Variants in SDK1 observed in about 807,000 individuals in gnomAD.
SDK1 encodes protein sidekick-1.
In SDK1, 157 loss-of-function variants were observed where a neutral mutation model predicts 245.5. The observed-to-expected ratio is 0.64, with a 90% CI of 0.56 to 0.73. The LOEUF (loss-of-function observed/expected upper bound fraction) is 0.73. Among genes scored for constraint, SDK1 ranks in the 30% least tolerant of loss-of-function variants. The probability of loss-of-function intolerance (pLI) is 0.00; values close to 1 mark genes in which losing one functional copy is unlikely to be tolerated. For missense variants in SDK1, 3,583 were observed against 3,002.3 expected (o/e 1.19, Z -4.52); for synonymous variants, 1,647 against 1,278.5 (o/e 1.29, Z -6.15).
chr7:3,870,785 T>C (rs902338831), intron 5 of SDK1, among the ~76,000 whole-genome samples: 9 of 152,172 alleles, frequency 5.9e-5, no homozygotes, highest in African/African-American at 2.2e-4. Context: ...ATTTTTCCAC[T>C]AATGTTTTTT....
chr7:3,614,739 C>T lies in SDK1; in HGVS notation c.299-4341C>T, dbSNP rs200513637. 3.9e-5 allele frequency among the ~76,000 whole-genome samples: 6 copies of T among 152,278 alleles called. No individual in the cohort carries two copies. In the East Asian group the frequency reaches 1.2e-3, roughly 29 times the overall value. ...ATTCCCCACCTTGGCTAATCTATGTCAAAATACGTGTCGTTATGATTTTAA... is the reference window on the plus strand; with the variant it reads ...ATTCCCCACCTTGGCTAATCTATGTTAAAATACGTGTCGTTATGATTTTAA... On this transcript the variant is annotated intron_variant, in intron 1 of 44. Coordinates refer to ENST00000404826, the MANE Select transcript of SDK1 (RefSeq NM_152744.4).
chr7:3,607,451 A>T (rs1781458661), intron 1 of SDK1, among the ~76,000 whole-genome samples: 1 of 152,242 alleles, frequency 6.6e-6, no homozygotes, highest in Admixed American at 6.5e-5. Flanking sequence ...CTAGAAGATA[A>T]GCTCCATGAA....
intron 4 of SDK1, among the ~76,000 whole-genome samples, chr7:3,692,843 T>C (rs1784472191): frequency 6.6e-6 from 1 of 152,094 alleles, no homozygotes; most frequent in African/African-American, 2.4e-5. Context: ...AGTTTACGTA[T>C]CCTTGGCACC....
chr7:3,629,415 C>G (rs1427595135), intron 2 of SDK1, among the ~76,000 whole-genome samples: 1 of 152,162 alleles, frequency 6.6e-6, no homozygotes, highest in African/African-American at 2.4e-5. Context: ...TCAGCACATT[C>G]ATGTGAGAAA....
chr7:3,477,042 G>C (rs1485580449), intron 1 of SDK1, among the ~76,000 whole-genome samples: 1 of 152,164 alleles, frequency 6.6e-6, no homozygotes, highest in Non-Finnish European at 1.5e-5. Context: ...AATGGAACAA[G>C]ACTGATCAAA....
intron 5 of SDK1, among the ~76,000 whole-genome samples, chr7:3,933,163 T>TAC (rs1780041606): frequency 7.8e-6 from 1 of 127,496 alleles, no homozygotes; most frequent in South Asian, 2.5e-4. Flanking sequence ...CAGGCTGGAG[T>TAC]ACAGTGGCTT....
At chr7:4,176,208 G>A (rs796830884) in intron 34 of SDK1, among the ~76,000 whole-genome samples, 6 of 151,040 alleles carry the variant, frequency 4.0e-5, no homozygotes, top group African/African-American at 1.5e-4. Context: ...TGTTGCCGAG[G>A]CTGGAGTGCA....
intron 5 of SDK1, among the ~76,000 whole-genome samples, chr7:3,861,250 G>A (rs1780685361): frequency 1.3e-5 from 2 of 152,228 alleles, no homozygotes; most frequent in Admixed American, 1.3e-4. Flanking sequence ...GCAAAGGTCA[G>A]TGAAGCGCCG....
chr7:4,218,180 G>T (rs1269932232), intron 38 of SDK1, among the ~76,000 whole-genome samples: 1 of 152,206 alleles, frequency 6.6e-6, no homozygotes, highest in South Asian at 2.1e-4. Context: ...GAGGTGGGCA[G>T]ATCACTTGAG....
chr7:3,961,024 C>T (rs961095213), intron 8 of SDK1, among the ~76,000 whole-genome samples: 3 of 152,222 alleles, frequency 2.0e-5, no homozygotes, highest in Non-Finnish European at 4.4e-5. Flanking sequence ...AAATGACAAT[C>T]TTAAACTCCC....
chr7:3,677,949 GAACA>G (rs374107044), intron 4 of SDK1, among the ~76,000 whole-genome samples: 9 of 152,228 alleles, frequency 5.9e-5, no homozygotes, highest in Admixed American at 2.0e-4. Flanking sequence ...AACAACAACA[GAACA>G]AACAAAGTAT....
chr7:3,375,846 G>A lies in SDK1; in HGVS notation c.298+73962G>A, dbSNP rs147873645. Among the ~76,000 whole-genome samples, 742 of 152,304 alleles carry A rather than the reference G, an allele frequency of 4.9e-3. 2 individuals are homozygous for A. The highest frequency in any genetic ancestry group is 8.2e-3 in the Non-Finnish European group (556 of 68,024). On this transcript the variant is annotated intron_variant, in intron 1 of 44. Transcript: ENST00000404826. Reference sequence around the variant, plus strand: ...TAAACCAGAGCCACAGAACTAAGCTGCTCCTGAATTTCTGACTCACAGAAA... The same window carrying A: ...TAAACCAGAGCCACAGAACTAAGCTACTCCTGAATTTCTGACTCACAGAAA...
chr7:3,319,257 C>G (rs1779735557), intron 1 of SDK1, among the ~76,000 whole-genome samples: 1 of 152,044 alleles, frequency 6.6e-6, no homozygotes, highest in African/African-American at 2.4e-5. Context: ...GTGGGAAGCC[C>G]CCACCCTTTT....
At chr7:3,302,084 C>T (rs1779283852) in intron 1 of SDK1, 200 bp downstream of exon 1, 2 of 267,252 alleles carry the variant, frequency 7.5e-6, no homozygotes, top group African/African-American at 2.3e-5. Flanking sequence ...GAGCCTGCAC[C>T]CCGTCTGCTA....
chr7:4,152,137 G>A (rs1222947804), intron 30 of SDK1, among the ~76,000 whole-genome samples: 1 of 152,238 alleles, frequency 6.6e-6, no homozygotes, highest in East Asian at 1.9e-4. Context: ...GTGAGTCCAA[G>A]GTTTGCCTCA....
At chr7:3,338,394 C>A in intron 1 of SDK1, 1 of 523,848 alleles carries the variant, frequency 1.9e-6, no homozygotes, top group South Asian at 1.6e-5. Flanking sequence ...AACTAATGTG[C>A]GTGTTGAGCA....
chr7:3,769,785 G>A (rs1217586791), intron 4 of SDK1, among the ~76,000 whole-genome samples: 1 of 151,958 alleles, frequency 6.6e-6, no homozygotes, highest in Non-Finnish European at 1.5e-5. Context: ...TCTGCTGTTG[G>A]TGAGGGAAGG....
At chr7:4,053,571 G>A (rs1196161932) in intron 19 of SDK1, among the ~76,000 whole-genome samples, 1 of 152,098 alleles carries the variant, frequency 6.6e-6, no homozygotes, top group Non-Finnish European at 1.5e-5. Flanking sequence ...CTGCCGGGAT[G>A]GCTCCCCACT....
chr7:4,223,654 G>A (rs1785259510), intron 40 of SDK1, among the ~76,000 whole-genome samples: 1 of 152,158 alleles, frequency 6.6e-6, no homozygotes, highest in Non-Finnish European at 1.5e-5. Flanking sequence ...CTCTACTCCG[G>A]CAGGACTTCA....
Sources: gnomAD v4.1 joint callset for allele counts (sites outside exome capture counted in the v4.1 genomes callset) on GRCh38, gnomAD v4.1.1 for gene constraint, MANE v1.5 for transcripts, NCBI Gene and HGNC (gene_info 2026-07-23, HGNC 2026-07-21) for gene names.